DYNC2H1: variants seen among roughly 807,000 people sequenced by gnomAD.
The protein encoded by DYNC2H1 is dynein cytoplasmic 2 heavy chain 1.
DYNC2H1 carries 410 observed loss-of-function variants against 570.0 expected under a neutral mutation model. The observed-to-expected ratio is 0.72, with a 90% CI of 0.66 to 0.78. The LOEUF is 0.78. DYNC2H1 is among the 30% of genes least tolerant of loss of function. DYNC2H1 has a pLI of 0.00. For synonymous variants in DYNC2H1, 1,688 were observed against 1,677.6 expected, an observed-to-expected ratio of 1.01 and a Z score of -0.15; for missense variants, 4,865 against 5,046.4, an observed-to-expected ratio of 0.96 and a Z score of 1.09.
chr11:103,263,016 G>T (rs1186277480), intron 70 of DYNC2H1, among the ~76,000 whole-genome samples: 2 of 81,262 alleles, frequency 2.5e-5, no homozygotes, highest in Non-Finnish European at 4.9e-5. Context: ...CCAAGCAAAT[G>T]GAAAGCAAAA....
chr11:103,126,395 G>A lies in DYNC2H1; in HGVS notation c.1857+1100G>A, dbSNP rs534113188. Among the ~76,000 whole-genome samples, 4 of 152,256 alleles carry A rather than the reference G, an allele frequency of 2.6e-5. No homozygotes were observed. The South Asian group carries it at 8.3e-4, about 32-fold the overall frequency. On this transcript the variant is annotated intron_variant, in intron 12 of 88. Transcript: ENST00000375735. ...TAGATATTGCCAAATGTTCCCTGAG[G>A]TATACTCTGCTTTGGTTGAGAATCA...
chr11:103,473,575 T>C (rs1220591339), intron 88 of DYNC2H1, among the ~76,000 whole-genome samples: 1 of 152,192 alleles, frequency 6.6e-6, no homozygotes, highest in East Asian at 1.9e-4. Context: ...TGGAAAGTCT[T>C]ATATTAACAT....
chr11:103,176,425 A>G lies in DYNC2H1; in HGVS notation c.5865A>G (p.Ile1955Met). The G allele has an allele frequency of 6.6e-7, 1 of 1,526,704 alleles. No individual in the cohort carries two copies. The highest frequency in any genetic ancestry group is 8.8e-7 in the Non-Finnish European group (1 of 1,142,252). 94.6% of individuals were successfully genotyped at this position (1,526,704 alleles called of 1,614,324 possible). A position where few individuals can be genotyped will look rare whatever the true frequency, so the allele number is the denominator to read the frequency against. Residue 1955 changes from isoleucine (I) to methionine (M), a missense_variant, in exon 37 of 89, where the codon ATA becomes ATG. Physicochemically the swap from Ile to Met is conservative, Grantham distance 10. This residue lies in a region of DYNC2H1 where 292 missense variants were observed against 300.2 expected (regional missense o/e 0.97). Coordinates refer to ENST00000375735, the MANE Select transcript of DYNC2H1 (RefSeq NM_001377.3). ...QVFEEANYEI[I>M]PNQIKKALEL... Reference sequence around the variant, plus strand: ...TTGAAGAGGCCAATTATGAAATTATACCCAATCAGGTAACTGTCAAGAATA... The same window carrying G: ...TTGAAGAGGCCAATTATGAAATTATGCCCAATCAGGTAACTGTCAAGAATA...
rs910275045 is a variant in DYNC2H1, at chr11:103,299,921, G to C, written c.11096-3172G>C. Among the ~76,000 whole-genome samples, 3 of 152,040 alleles carry C rather than the reference G, an allele frequency of 2.0e-5. No individual in the cohort carries two copies. The highest frequency in any genetic ancestry group is 4.8e-5 in the African/African-American group (2 of 41,424). On this transcript the variant is annotated intron_variant, in intron 75 of 88. Coordinates refer to ENST00000375735, the MANE Select transcript of DYNC2H1 (RefSeq NM_001377.3). The surrounding 1 kb of genome is among the most constrained non-coding windows in gnomAD (Gnocchi z 4.5). ...AGTACTATTCCATTTCTAAAGTGCA[G>C]TTTCCCATTTAATTGGTTCATATAT... is the stretch of plus-strand genomic sequence containing the variant.
intron 83 of DYNC2H1, among the ~76,000 whole-genome samples, chr11:103,378,620 G>C (rs1179151657): frequency 6.6e-6 from 1 of 152,154 alleles, no homozygotes; most frequent in Non-Finnish European, 1.5e-5. Context: ...AAAATAATCA[G>C]TGGTGTCTGG....
intron 85 of DYNC2H1, among the ~76,000 whole-genome samples, chr11:103,449,233 G>A (rs1944520349): frequency 6.6e-6 from 1 of 152,158 alleles, no homozygotes. Context: ...TCAGAAGTTA[G>A]GTAGTGAGGG....
At position 103,255,428 on chromosome 11, in the gene DYNC2H1, C is replaced by A. The variant is rs1261093918; in HGVS notation, c.10220C>A (p.Thr3407Asn). Residue 3407 changes from threonine (T) to asparagine (N), a missense_variant, in exon 67 of 89, where the codon ACC becomes AAC. Transcript: ENST00000375735. Reference sequence around the variant, plus strand: ...TGTTATCCCAAGCTTTTAGCTTTAACCATTCAGCATGAGAAACCTGATTTA... The same window carrying A: ...TGTTATCCCAAGCTTTTAGCTTTAAACATTCAGCATGAGAAACCTGATTTA... ...SGLRGQLLAL[T>N]IQHEKPDLEE... 1 of 1,561,258 alleles carries A rather than the reference C, an allele frequency of 6.4e-7. No homozygotes were observed. Among genetic ancestry groups the A allele is most frequent in the Non-Finnish European group, 8.7e-7 (1 of 1,152,118 alleles).
At chr11:103,341,394 C>T (rs1323115754) in intron 82 of DYNC2H1, among the ~76,000 whole-genome samples, 1 of 152,098 alleles carries the variant, frequency 6.6e-6, no homozygotes, top group East Asian at 1.9e-4. Flanking sequence ...TAAAGTAATC[C>T]TTAAACTGTC....
intron 54 of DYNC2H1, 92 bp from the exon 55 acceptor site, chr11:103,215,629 T>C: frequency 7.8e-7 from 1 of 1,286,790 alleles, no homozygotes; most frequent in Non-Finnish European, 1.0e-6. Context: ...ACACTTAACA[T>C]GTTTGCTTGA....
chr11:103,141,140 C>G (rs1859897237), intron 17 of DYNC2H1, among the ~76,000 whole-genome samples: 1 of 152,000 alleles, frequency 6.6e-6, no homozygotes, highest in Non-Finnish European at 1.5e-5. Flanking sequence ...ACTTCTTTGC[C>G]TTTGGTTTGA....
rs1940751072 is a variant in DYNC2H1, at chr11:103,363,393, G to A, written c.12156+5034G>A. ...TGTGTTATTTCAACTGAGAGAGAATGTTTATCCAGCCACTCTAAAGATTCT... is the reference window on the plus strand; with the variant it reads ...TGTGTTATTTCAACTGAGAGAGAATATTTATCCAGCCACTCTAAAGATTCT... On this transcript the variant is annotated intron_variant, in intron 83 of 88. Transcript: ENST00000375735. This position sits in a 1 kb window ranked among gnomAD's most constrained non-coding sequence, Gnocchi z 5.6. Among the ~76,000 whole-genome samples the A allele has an allele frequency of 6.6e-6, 1 of 152,108 alleles. No homozygotes were observed. The highest frequency in any genetic ancestry group is 1.5e-5 in the Non-Finnish European group (1 of 68,014).
At position 103,395,128 on chromosome 11, in the gene DYNC2H1, C is replaced by A. The variant is rs1282686360; in HGVS notation, c.12157-4535C>A. Among the ~76,000 whole-genome samples the A allele has an allele frequency of 6.6e-6, 1 of 152,050 alleles. No homozygotes were observed. Among genetic ancestry groups the A allele is most frequent in the Admixed American group, 6.6e-5 (1 of 15,260 alleles). On this transcript the variant is annotated intron_variant, in intron 83 of 88. Coordinates refer to ENST00000375735, the MANE Select transcript of DYNC2H1 (RefSeq NM_001377.3). The surrounding 1 kb of genome is among the most constrained non-coding windows in gnomAD (Gnocchi z 4.3). ...ATTTTGACCTTTCTGATCGTAGATG[C>A]TTGGGAAAGTTGTCTGTTGAACTTG... is the stretch of plus-strand genomic sequence containing the variant.
intron 84 of DYNC2H1, 41 bp downstream of exon 84, chr11:103,399,913 A>G (rs1415914242): frequency 1.3e-6 from 2 of 1,508,956 alleles, no homozygotes; most frequent in Non-Finnish European, 1.8e-6. Flanking sequence ...TTTCATTGTT[A>G]TAAGTGACTC....
At chr11:103,457,646 A>G (rs937784363) in intron 87 of DYNC2H1, among the ~76,000 whole-genome samples, 1 of 152,202 alleles carries the variant, frequency 6.6e-6, no homozygotes, top group African/African-American at 2.4e-5. Context: ...AACACATTGT[A>G]CAGATACGCA....
At chr11:103,292,672 G>A (rs138341712) in intron 75 of DYNC2H1, among the ~76,000 whole-genome samples, 2 of 152,330 alleles carry the variant, frequency 1.3e-5, no homozygotes, top group African/African-American at 4.8e-5. Flanking sequence ...ACAATAGTGA[G>A]TGAGTTCTCT....
At position 103,399,834 on chromosome 11, in the gene DYNC2H1, G is replaced by A. The variant is rs1156534576; in HGVS notation, c.12328G>A (p.Glu4110Lys). The A allele has an allele frequency of 6.2e-7, 1 of 1,613,700 alleles. No individual in the cohort carries two copies. Among genetic ancestry groups the A allele is most frequent in the African/African-American group, 1.3e-5 (1 of 74,924 alleles). ...CAGAGGAACTACTTTACTGAGTTCA[G>A]AAGTACAAAAATTGGCAAGTGCTTT... ...VIRGTTLLSS[E>K]VQKLASALLN... Residue 4110 changes from glutamate (E) to lysine (K), a missense_variant, in exon 84 of 89, where the codon GAA becomes AAA. Glu to Lys is a moderately conservative substitution (Grantham distance 56). Around this residue, in one of 5 missense-constraint regions of DYNC2H1, gnomAD observed 2,401 missense variants for 2,454.6 expected, o/e 0.98. Coordinates refer to ENST00000375735, the MANE Select transcript of DYNC2H1 (RefSeq NM_001377.3).
At chr11:103,262,951 A>T (rs898441661) in intron 70 of DYNC2H1, among the ~76,000 whole-genome samples, 10 of 149,646 alleles carry the variant, frequency 6.7e-5, no homozygotes, top group African/African-American at 2.5e-4. Context: ...CAGGAGACCC[A>T]TCTCACATGC....
chr11:103,421,676 T>C (rs931116542), intron 84 of DYNC2H1, among the ~76,000 whole-genome samples: 6 of 151,994 alleles, frequency 3.9e-5, no homozygotes, highest in African/African-American at 1.4e-4. Context: ...GAAGAGACAA[T>C]GTAGCAGAAT....
In DYNC2H1 at chr11:103,259,907, A is replaced by G; in HGVS notation, c.10625A>G (p.Gln3542Arg). 4.5e-6 allele frequency: 7 copies of G among 1,542,254 alleles called. No individual in the cohort carries two copies. Among genetic ancestry groups the G allele is most frequent in the Non-Finnish European group, 6.1e-6 (7 of 1,142,778 alleles). Residue 3542 changes from glutamine to arginine, a missense_variant, in exon 70 of 89, where the codon CAG becomes CGG. Physicochemically the swap from Gln to Arg is conservative, Grantham distance 43. Transcript: ENST00000375735. Reference sequence around the variant, plus strand: ...CTACAGGATTCTGAAAATACAGAACAGAGAATCCAGTCACTTATCAGCTCA... The same window carrying G: ...CTACAGGATTCTGAAAATACAGAACGGAGAATCCAGTCACTTATCAGCTCA... The part of the protein sequence containing the change: ...QNKQDSENTE[Q>R]RIQSLISSLQ...
Sources: allele counts gnomAD v4.1 joint callset (sites outside exome capture counted in the v4.1 genomes callset), GRCh38; gene constraint gnomAD v4.1.1; regional missense constraint gnomAD v4.1.1; non-coding constraint Gnocchi (gnomAD v3.1); transcripts MANE v1.5; gene names NCBI Gene and HGNC (gene_info 2026-07-23, HGNC 2026-07-21).